Variants in HMX1 observed in about 807,000 individuals in gnomAD.
The protein encoded by HMX1 is H6 family homeobox 1.
In HMX1, 8 loss-of-function variants were observed where a neutral mutation model predicts 8.9. That is an observed-to-expected ratio of 0.90 (90% CI 0.53 to 1.63). HMX1 has a LOEUF of 1.63. HMX1 is among the 40% of genes most tolerant of loss of function. The pLI, the probability that HMX1 is intolerant of heterozygous loss-of-function variation, is 0.00. For missense variants in HMX1, 621 were observed against 558.5 expected, an observed-to-expected ratio of 1.11 and a Z score of -1.13; for synonymous variants, 311 against 283.4, an observed-to-expected ratio of 1.10 and a Z score of -0.98.
Position 8,870,571 on chromosome 4 carries a change from C to G in HMX1, c.394+650G>C, listed in dbSNP as rs1308646653. 6.6e-6 allele frequency among the ~76,000 whole-genome samples: 1 copy of G among 152,154 alleles called. No homozygotes were observed. The highest frequency in any genetic ancestry group is 1.5e-5 in the Non-Finnish European group (1 of 68,010). ...ACCAAGAGGGAGACCCAGGCCCCTG[C>G]CCCAGGCTGTCTGCAGCGGGCACAG... On this transcript the variant is annotated intron_variant, in intron 1 of 1. Transcript: ENST00000400677. This position sits in a 1 kb window ranked among gnomAD's most constrained non-coding sequence, Gnocchi z 4.4.
At chr4:8,864,454 G>T (rs1162292070), downstream of HMX1, among the ~76,000 whole-genome samples, 1 of 152,192 alleles carries the variant, frequency 6.6e-6, no homozygotes, top group Non-Finnish European at 1.5e-5. Flanking sequence ...AGGGTGCATG[G>T]CGCATGTGGT....
chr4:8,861,139 T>C (rs998915790), intron 1 of HMX1, among the ~76,000 whole-genome samples: 5 of 152,028 alleles, frequency 3.3e-5, no homozygotes, highest in African/African-American at 4.8e-5. Context: ...TTCCGTTCCA[T>C]CTAGGTCGGG....
In HMX1 at chr4:8,871,173, G is replaced by A; in HGVS notation, c.394+48C>T. ...AGTCCCCCAGCAAATGCGCAGGGAG[G>A]AAGTCGGGCCCCACCGCCTGACCCA... On this transcript the variant is annotated intron_variant, in intron 1 of 1. Coordinates refer to ENST00000400677, the MANE Select transcript of HMX1 (RefSeq NM_018942.3). This position sits in a 1 kb window ranked among gnomAD's most constrained non-coding sequence, Gnocchi z 4.8. The A allele has an allele frequency of 7.4e-7, 1 of 1,347,860 alleles. No homozygotes were observed. The highest frequency in any genetic ancestry group is 9.5e-7 in the Non-Finnish European group (1 of 1,049,366). The allele number at this position is 1,347,860 out of a possible 1,614,324, so 83.5% of individuals were successfully genotyped here. A position where few individuals can be genotyped will look rare whatever the true frequency, so the allele number is the denominator to read the frequency against.
chr4:8,857,911 A>G (rs977377179), intron 1 of HMX1, among the ~76,000 whole-genome samples: 2 of 152,118 alleles, frequency 1.3e-5, no homozygotes. Context: ...CCGCGTCTCT[A>G]CGGGCCAGTG....
downstream of HMX1, among the ~76,000 whole-genome samples, chr4:8,864,111 C>T (rs1721916921): frequency 1.3e-5 from 2 of 152,158 alleles, no homozygotes; most frequent in Non-Finnish European, 2.9e-5. Flanking sequence ...ACCCACCAGT[C>T]CCACCACAGC....
intron 1 of HMX1, among the ~76,000 whole-genome samples, chr4:8,860,392 C>G (rs769764553): frequency 3.3e-4 from 50 of 152,222 alleles, no homozygotes; most frequent in Non-Finnish European, 6.2e-4. Flanking sequence ...AATGCACCCG[C>G]GCTCCCGTCA....
rs1385426858 is a variant in HMX1 at position 8,847,163 on chromosome 4, C to A, written c.395-839G>T. 6.6e-6 allele frequency among the ~76,000 whole-genome samples: 1 copy of A among 152,070 alleles called. No homozygotes were observed. The highest frequency in any genetic ancestry group is 1.5e-5 in the Non-Finnish European group (1 of 68,006). ...AAAAGTACAAAGCCATTGAGCCGGG[C>A]GTGGTGAGGGATGCCTGTAATCCCA... On this transcript the variant is annotated intron_variant, in intron 1 of 1. Coordinates refer to the HMX1 transcript ENST00000506970. The surrounding 1 kb of genome is among the most constrained non-coding windows in gnomAD (Gnocchi z 6.0).
At position 8,847,454 on chromosome 4, in the gene HMX1, C is replaced by A. The variant is rs185371350; in HGVS notation, c.395-1130G>T. On this transcript the variant is annotated intron_variant, in intron 1 of 1. Transcript: ENST00000506970. This position sits in a 1 kb window ranked among gnomAD's most constrained non-coding sequence, Gnocchi z 6.0. ...CATCTGCAAAGAGCTATTTCTGTAA[C>A]GGGATGCCGCCAACAGACGGAAGCC... 6.6e-6 allele frequency among the ~76,000 whole-genome samples: 1 copy of A among 152,134 alleles called. No homozygotes were observed. Among genetic ancestry groups the A allele is most frequent in the African/African-American group, 2.4e-5 (1 of 41,422 alleles).
In HMX1 at chr4:8,867,441, A is replaced by G. The variant is rs1451061119; in HGVS notation, c.*252T>C. On this transcript the variant is annotated 3_prime_UTR_variant, in exon 2 of 2. Coordinates refer to ENST00000400677, the MANE Select transcript of HMX1 (RefSeq NM_018942.3). ...CGTGGCGCCGGGGGCTGCGCAGCCC[A>G]GAGTCTCTGCATGGCCCCCTGTTCG... The G allele has an allele frequency of 1.0e-5, 11 of 1,075,060 alleles. No homozygotes were observed. In the East Asian group the frequency reaches 3.0e-4, roughly 29 times the overall value. The allele number at this position is 1,075,060 out of a possible 1,614,324, so 66.6% of individuals were successfully genotyped here.
intron 1 of HMX1, chr4:8,858,735 C>G (rs956334042): frequency 6.6e-6 from 1 of 152,258 alleles, no homozygotes; most frequent in Non-Finnish European, 1.5e-5. Flanking sequence ...CTCCAGGCAA[C>G]GAAAAACGAA....
At position 8,848,972 on chromosome 4, in the gene HMX1, G is replaced by A. The variant is rs1426572693; in HGVS notation, c.395-2648C>T. Among the ~76,000 whole-genome samples, 1 of 152,180 alleles carries A rather than the reference G, an allele frequency of 6.6e-6. No individual in the cohort carries two copies. Among genetic ancestry groups the A allele is most frequent in the African/African-American group, 2.4e-5 (1 of 41,448 alleles). On this transcript the variant is annotated intron_variant, in intron 1 of 1. Transcript: ENST00000506970. The surrounding 1 kb of genome is among the most constrained non-coding windows in gnomAD (Gnocchi z 4.1). The stretch of plus-strand genomic sequence containing the variant: ...GCAGAGGGTAACCTGTCCAGCTCAC[G>A]TTACCGCAGGAGCAATTCCTCCTCT...
chr4:8,855,002 G>C lies in HMX1; in HGVS notation c.395-8678C>G, dbSNP rs1577193592. On this transcript the variant is annotated intron_variant, in intron 1 of 1. Coordinates refer to the HMX1 transcript ENST00000506970. ...TCTTTCTTATGCATGAAACACACGT[G>C]TCCTGCTAAGTACAGTGAGTCACCA... is the stretch of plus-strand genomic sequence containing the variant. 3.3e-5 allele frequency among the ~76,000 whole-genome samples: 5 copies of C among 152,326 alleles called. 1 individual carries two copies. The highest frequency in any genetic ancestry group is 3.3e-4 in the Admixed American group (5 of 15,304).
At position 8,867,776 on chromosome 4, in the gene HMX1, C is replaced by G. The variant is rs763505877; in HGVS notation, c.964G>C (p.Gly322Arg). The G allele has an allele frequency of 2.1e-4, 270 of 1,269,608 alleles. No homozygotes were observed. The highest frequency in any genetic ancestry group is 9.9e-4 in the Admixed American group (25 of 25,176). The allele number at this position is 1,269,608 out of a possible 1,614,324, so 78.6% of individuals were successfully genotyped here. ...APPPPLLGFS[G>R]ALAYPLAAFP... Reference sequence around the variant, plus strand: ...GCGGCCAGCGGGTAGGCGAGGGCCCCGGAGAAGCCGAGCAGCGGTGGGGGC... The same window carrying G: ...GCGGCCAGCGGGTAGGCGAGGGCCCGGGAGAAGCCGAGCAGCGGTGGGGGC... The change falls in exon 2 of 2, where the codon GGG (glycine) becomes CGG (arginine). Residue 322 changes from glycine (G) to arginine (R), a missense_variant. Gly to Arg is a moderately radical substitution (Grantham distance 125, BLOSUM62 -2). Coordinates refer to ENST00000400677, the MANE Select transcript of HMX1 (RefSeq NM_018942.3).
Position 8,871,322 on chromosome 4 carries a change from G to T in HMX1, c.293C>A (p.Pro98Gln), listed in dbSNP as rs1353930597. The T allele has an allele frequency of 5.9e-6, 8 of 1,347,126 alleles. No individual in the cohort carries two copies. Among genetic ancestry groups the T allele is most frequent in the South Asian group, 1.8e-5 (1 of 57,140 alleles). 83.4% of individuals were successfully genotyped at this position (1,347,126 alleles called of 1,614,324 possible). ...GPGALGLGPRPPPGPGPPFAL... is the reference protein window; with the variant it reads ...GPGALGLGPRQPPGPGPPFAL... ...GAAGGGCGGCCCGGGACCGGGGGGC[G>T]GCCGAGGACCGAGGCCCAGCGCGCC... Residue 98 changes from proline (P) to glutamine (Q), a missense_variant, in exon 1 of 2, where the codon CCG becomes CAG. By Grantham distance (76) the Pro-to-Gln change is moderately conservative. Coordinates refer to ENST00000400677, the MANE Select transcript of HMX1 (RefSeq NM_018942.3). The surrounding 1 kb of genome is among the most constrained non-coding windows in gnomAD (Gnocchi z 4.8).
rs1194637528 is a variant in HMX1, at chr4:8,853,217, TA to T, written c.395-6894del. ...GTTTTGTTTGTTTCTCACAAACAAA[TA>T]AATGAGTGAAGCTGGTAAACCATCC... On this transcript the variant is annotated intron_variant, in intron 1 of 1. Coordinates refer to the HMX1 transcript ENST00000506970. The surrounding 1 kb of genome is among the most constrained non-coding windows in gnomAD (Gnocchi z 4.7). Among the ~76,000 whole-genome samples the T allele has an allele frequency of 6.6e-6, 1 of 152,172 alleles. No homozygotes were observed. The highest frequency in any genetic ancestry group is 1.5e-5 in the Non-Finnish European group (1 of 68,020).
chr4:8,868,475 G>GAA lies in HMX1; in HGVS notation c.395-131_395-130insTT. ...AGGAAGACCTTCCAGCACAGGGCTG[G>GAA]GCACCCAGCAGCTCTGGGGATGCAC... On this transcript the variant is annotated intron_variant, in intron 1 of 1. Coordinates refer to ENST00000400677, the MANE Select transcript of HMX1 (RefSeq NM_018942.3). This position sits in a 1 kb window ranked among gnomAD's most constrained non-coding sequence, Gnocchi z 4.6. 1.4e-6 allele frequency: 1 copy of GAA among 710,356 alleles called. No individual in the cohort carries two copies. The highest frequency in any genetic ancestry group is 2.0e-6 in the Non-Finnish European group (1 of 504,558). The allele number at this position is 710,356 out of a possible 1,614,324, so 44.0% of individuals were successfully genotyped here.
Position 8,871,160 on chromosome 4 carries a change from AAT to A in HMX1, c.394+59_394+60del. The A allele has an allele frequency of 1.7e-5, 22 of 1,305,066 alleles. No homozygotes were observed. Among genetic ancestry groups the A allele is most frequent in the Non-Finnish European group, 2.2e-5 (22 of 1,020,766 alleles). 80.8% of individuals were successfully genotyped at this position (1,305,066 alleles called of 1,614,324 possible). Reference sequence around the variant, plus strand: ...GCGACGAGCCCGAAGTCCCCCAGCAAATGCGCAGGGAGGAAGTCGGGCCCCAC... The same window carrying A: ...GCGACGAGCCCGAAGTCCCCCAGCAAGCGCAGGGAGGAAGTCGGGCCCCAC... On this transcript the variant is annotated intron_variant, in intron 1 of 1. Coordinates refer to ENST00000400677, the MANE Select transcript of HMX1 (RefSeq NM_018942.3). This position sits in a 1 kb window ranked among gnomAD's most constrained non-coding sequence, Gnocchi z 4.8.
In HMX1 at chr4:8,871,742, G is replaced by A. The variant is rs1163169727; in HGVS notation, c.-128C>T. The A allele has an allele frequency of 1.3e-5, 13 of 1,015,728 alleles. No homozygotes were observed. The highest frequency in any genetic ancestry group is 1.4e-5 in the Non-Finnish European group (12 of 850,412). 62.9% of individuals were successfully genotyped at this position (1,015,728 alleles called of 1,614,324 possible). ...ACCCGGACCGCTGGCGTCGGGCCCC[G>A]CAGGGCAGGCGGCGGCCTCCGCGCC... On this transcript the variant is annotated 5_prime_UTR_variant, in exon 1 of 2. Transcript: ENST00000400677. This position sits in a 1 kb window ranked among gnomAD's most constrained non-coding sequence, Gnocchi z 4.8.
At chr4:8,869,479 C>G (rs1722138553) in intron 1 of HMX1, among the ~76,000 whole-genome samples, 1 of 152,366 alleles carries the variant, frequency 6.6e-6, no homozygotes, top group South Asian at 2.1e-4. Flanking sequence ...GCTGTGCACT[C>G]GGCCGGGTGT....
Sources: gnomAD v4.1 joint callset for allele counts (sites outside exome capture counted in the v4.1 genomes callset) on GRCh38, gnomAD v4.1.1 for gene constraint, Gnocchi (gnomAD v3.1) non-coding constraint, MANE v1.5 for transcripts, NCBI Gene and HGNC (gene_info 2026-07-23, HGNC 2026-07-21) for gene names.